Variants in PCDHA2 observed in about 807,000 individuals in gnomAD.
PCDHA2 encodes the protein protocadherin alpha-2.
PCDHA2 carries 58 observed loss-of-function variants against 66.0 expected under a neutral mutation model. The ratio of observed to expected loss-of-function variants is 0.88; its 90% confidence interval spans 0.71 to 1.09. The LOEUF is 1.09. Among genes scored for constraint, PCDHA2 ranks in the 50% least tolerant of loss-of-function variants. The pLI is 0.00. For missense variants in PCDHA2, 1,267 were observed against 1,242.3 expected, an observed-to-expected ratio of 1.02 and a Z score of -0.30; for synonymous variants, 634 against 554.0, an observed-to-expected ratio of 1.14 and a Z score of -2.03.
intron 1 of PCDHA2, chr5:140,927,108 C>A (rs782811125): frequency 6.2e-7 from 1 of 1,613,646 alleles, no homozygotes; most frequent in Non-Finnish European, 8.5e-7. Context: ...ATCTACCCAG[C>A]GGCAATTTGG....
chr5:140,871,487 C>A, intron 1 of PCDHA2: 1 of 1,591,808 alleles, frequency 6.3e-7, no homozygotes, highest in South Asian at 1.1e-5. Flanking sequence ...TCAAATCACC[C>A]CGGACAGGTG....
At chr5:140,877,748 G>T in intron 1 of PCDHA2, 1 of 1,614,188 alleles carries the variant, frequency 6.2e-7, no homozygotes, top group Non-Finnish European at 8.5e-7. Flanking sequence ...CAGAGGGTGT[G>T]CTCTGCAGAG....
intron 1 of PCDHA2, among the ~76,000 whole-genome samples, chr5:140,908,084 T>G (rs2073791096): frequency 6.6e-6 from 1 of 152,202 alleles, no homozygotes; most frequent in Non-Finnish European, 1.5e-5. Context: ...CACAACCAGG[T>G]GCACTGATTG....
At position 141,011,477 on chromosome 5, in the gene PCDHA2, T is replaced by C. The variant is rs1256394490; in HGVS notation, c.*1540T>C. 2 of 153,818 alleles carry C rather than the reference T, an allele frequency of 1.3e-5. No homozygotes were observed. Among genetic ancestry groups the C allele is most frequent in the Non-Finnish European group, 2.9e-5 (2 of 68,052 alleles). The allele number at this position is 153,818 out of a possible 1,614,324, so 9.5% of individuals were successfully genotyped here. ...TTTATTGTTGAATGTAATTCCATTA[T>C]ATTTCCTTTTGTACACCTGTGAAAA... On this transcript the variant is annotated 3_prime_UTR_variant, in exon 4 of 4. Transcript: ENST00000526136.
chr5:140,801,412 G>C (rs149543626), intron 1 of PCDHA2: 2 of 1,613,684 alleles, frequency 1.2e-6, no homozygotes, highest in Non-Finnish European at 1.7e-6. Context: ...AAAAGACACG[G>C]GGACCTTCTG....
At chr5:140,914,564 A>AT (rs532022159) in intron 1 of PCDHA2, among the ~76,000 whole-genome samples, 1 of 152,026 alleles carries the variant, frequency 6.6e-6, no homozygotes, top group Non-Finnish European at 1.5e-5. Context: ...AGTTTAGTCC[A>AT]TTTACATTCA....
rs73793515 is a variant in PCDHA2 at position 140,889,833 on chromosome 5, T to C, written c.2389-89116T>C. ...TCAGGTCATAAGAAGTCTTACAGTA[T>C]GCTTTGGTCTCTGAGAATATTTGTT... On this transcript the variant is annotated intron_variant, in intron 1 of 3. Coordinates refer to ENST00000526136, the MANE Select transcript of PCDHA2 (RefSeq NM_018905.3). Among the ~76,000 whole-genome samples, 1,245 of 152,254 alleles carry C rather than the reference T, an allele frequency of 8.2e-3. 11 individuals are homozygous for C. The highest frequency in any genetic ancestry group is 0.029 in the African/African-American group (1,203 of 41,548).
intron 1 of PCDHA2, among the ~76,000 whole-genome samples, chr5:140,921,417 A>C (rs1292321863): frequency 6.6e-6 from 1 of 152,210 alleles, no homozygotes; most frequent in Non-Finnish European, 1.5e-5. Flanking sequence ...TCTGTGCTGC[A>C]GACAAAAATT....
chr5:140,877,493 A>C, intron 1 of PCDHA2: 1 of 1,613,856 alleles, frequency 6.2e-7, no homozygotes, highest in African/African-American at 1.3e-5. Flanking sequence ...GAGAACGGCC[A>C]GGCCCCAAAG....
intron 3 of PCDHA2, among the ~76,000 whole-genome samples, chr5:140,997,109 G>A (rs1293025484): frequency 1.3e-5 from 2 of 152,022 alleles, no homozygotes; most frequent in Non-Finnish European, 2.9e-5. Flanking sequence ...ATGCACTCCT[G>A]CTCTCCCACA....
At chr5:140,863,676 C>A (rs1403210762) in intron 1 of PCDHA2, 1 of 292,478 alleles carries the variant, frequency 3.4e-6, no homozygotes, top group Non-Finnish European at 6.7e-6. Context: ...TTTGCTTTTG[C>A]TTTTTCTTTT....
At chr5:141,005,594 C>T (rs534928198) in intron 3 of PCDHA2, among the ~76,000 whole-genome samples, 10 of 147,680 alleles carry the variant, frequency 6.8e-5, no homozygotes, top group African/African-American at 1.8e-4. Flanking sequence ...CCCAGCTACA[C>T]AGGAGGCTGA....
At chr5:140,822,008 T>G (rs2150112907) in intron 1 of PCDHA2, 2 of 1,614,166 alleles carry the variant, frequency 1.2e-6, no homozygotes, top group African/African-American at 2.7e-5. Context: ...GAGGTAAATC[T>G]GCAGAATGGC....
At chr5:140,941,317 C>T (rs1264351232) in intron 1 of PCDHA2, among the ~76,000 whole-genome samples, 5 of 99,210 alleles carry the variant, frequency 5.0e-5, no homozygotes, top group Admixed American at 1.1e-4. Flanking sequence ...TTTCTTCTTT[C>T]TCTTTTTTTT....
intron 1 of PCDHA2, chr5:140,801,794 T>C: frequency 6.2e-7 from 1 of 1,613,862 alleles, no homozygotes. Context: ...TGAAAAAAAA[T>C]TTAAATCGAG....
intron 1 of PCDHA2, chr5:140,875,344 A>C: frequency 6.9e-7 from 1 of 1,442,996 alleles, no homozygotes; most frequent in Non-Finnish European, 9.1e-7. Flanking sequence ...TCGACTCCAT[A>C]ATGACTGTGA....
At position 140,830,276 on chromosome 5, in the gene PCDHA2, G is replaced by A. The variant is rs2150184038; in HGVS notation, c.2388+32924G>A. On this transcript the variant is annotated intron_variant, in intron 1 of 3. Transcript: ENST00000526136. The stretch of plus-strand genomic sequence containing the variant: ...GCTGCGGTGCTCGGCGCCACCCACC[G>A]AGGGCGCGTGCACGGCGGACAAGCC... The A allele has an allele frequency of 2.4e-5, 38 of 1,613,712 alleles. No individual in the cohort carries two copies. Among genetic ancestry groups the A allele is most frequent in the East Asian group, 2.2e-4 (10 of 44,876 alleles).
chr5:140,838,089 T>TA (rs1775524644), intron 1 of PCDHA2, among the ~76,000 whole-genome samples: 1 of 121,926 alleles, frequency 8.2e-6, no homozygotes, highest in East Asian at 2.1e-4. Context: ...TGTGTGTGTG[T>TA]GTGTGTGTGT....
At chr5:140,868,806 G>T (rs374832846) in intron 1 of PCDHA2, 1 of 357,072 alleles carries the variant, frequency 2.8e-6, no homozygotes, top group South Asian at 6.9e-5. Flanking sequence ...AAATAAGCAC[G>T]TTGGAAATAT....
Sources: gnomAD v4.1 joint callset for allele counts (sites outside exome capture counted in the v4.1 genomes callset) on GRCh38, gnomAD v4.1.1 for gene constraint, MANE v1.5 for transcripts, NCBI Gene and HGNC (gene_info 2026-07-23, HGNC 2026-07-21) for gene names.